The following PTPRD variants were observed in gnomAD, a reference collection of about 807,000 sequenced individuals.
PTPRD encodes protein tyrosine phosphatase receptor type D.
PTPRD carries 34 observed loss-of-function variants against 214.5 expected under a neutral mutation model. That is an observed-to-expected ratio of 0.16 (90% CI 0.12 to 0.21). The LOEUF is 0.21. Ranked by LOEUF, PTPRD falls within the 10% of genes least tolerant of loss-of-function variation. The pLI, the probability that PTPRD is intolerant of heterozygous loss-of-function variation, is 1.00. For synonymous variants in PTPRD, 1,128 were observed against 845.7 expected (o/e 1.33, Z -5.79); for missense variants, 2,545 against 2,398.7 (o/e 1.06, Z -1.27).
chr9:9,008,326 C>T (rs1473879929), intron 11 of PTPRD, among the ~76,000 whole-genome samples: 1 of 151,654 alleles, frequency 6.6e-6, no homozygotes, highest in Admixed American at 6.6e-5. Context: ...CTCCCCAGTT[C>T]ATGTCACTCT....
At chr9:9,361,307 A>C (rs1290419012) in intron 9 of PTPRD, among the ~76,000 whole-genome samples, 1 of 151,096 alleles carries the variant, frequency 6.6e-6, no homozygotes, top group Non-Finnish European at 1.5e-5. Context: ...CAAAAATATC[A>C]ATTCAGTCAT....
intron 2 of PTPRD, among the ~76,000 whole-genome samples, chr9:10,555,784 A>G (rs931295141): frequency 6.6e-6 from 1 of 152,202 alleles, no homozygotes; most frequent in Non-Finnish European, 1.5e-5. Context: ...CAGAATAAAC[A>G]CTGCCAAACA....
At chr9:8,574,478 T>A (rs2154241110) in intron 14 of PTPRD, among the ~76,000 whole-genome samples, 1 of 152,082 alleles carries the variant, frequency 6.6e-6, no homozygotes, top group East Asian at 1.9e-4. Flanking sequence ...CCAAAAGGCA[T>A]TAAGCAATAA....
chr9:8,966,823 T>G (rs1687833701), intron 11 of PTPRD, among the ~76,000 whole-genome samples: 1 of 151,926 alleles, frequency 6.6e-6, no homozygotes, highest in South Asian at 2.1e-4. Flanking sequence ...ACAGACAACC[T>G]ACAGAAGGGG....
intron 10 of PTPRD, among the ~76,000 whole-genome samples, chr9:9,141,659 C>T (rs1012109389): frequency 6.6e-6 from 1 of 151,182 alleles, no homozygotes; most frequent in African/African-American, 2.4e-5. Flanking sequence ...TTCACACCAA[C>T]ACCCATTAAA....
rs2095852072 is a variant in PTPRD, at chr9:10,301,196, T to G, written c.-545+39767A>C. ...GGGGGGTGACTGTTAGGAGGAAAAC[T>G]AACAAACAGAAAGGAAGAGCATCAA... On this transcript the variant is annotated intron_variant, in intron 3 of 45. Coordinates refer to ENST00000381196, the MANE Select transcript of PTPRD (RefSeq NM_002839.4). 2.0e-5 allele frequency among the ~76,000 whole-genome samples: 3 copies of G among 152,018 alleles called. No homozygotes were observed. The South Asian group carries it at 6.3e-4, about 32-fold the overall frequency.
At position 8,471,579 on chromosome 9, in the gene PTPRD, G is replaced by A. The variant is rs924008131; in HGVS notation, c.3414-494C>T. 4.6e-5 allele frequency among the ~76,000 whole-genome samples: 7 copies of A among 152,132 alleles called. No individual in the cohort carries two copies. The Middle Eastern group carries it at 0.01, about 222-fold the overall frequency. Reference sequence around the variant, plus strand: ...TTTTATTTGAATTAAAAATTTTTAAGTAACAAAAATTAGGTATAATTGCAC... The same window carrying A: ...TTTTATTTGAATTAAAAATTTTTAAATAACAAAAATTAGGTATAATTGCAC... On this transcript the variant is annotated intron_variant, in intron 30 of 45. Coordinates refer to ENST00000381196, the MANE Select transcript of PTPRD (RefSeq NM_002839.4).
chr9:9,464,282 C>T (rs1206998068), intron 8 of PTPRD, among the ~76,000 whole-genome samples: 3 of 152,122 alleles, frequency 2.0e-5, no homozygotes, highest in Non-Finnish European at 4.4e-5. Context: ...TCAACCTTTT[C>T]TCCCTCTCAC....
intron 9 of PTPRD, among the ~76,000 whole-genome samples, chr9:9,325,817 C>G (rs1185658415): frequency 1.3e-5 from 2 of 152,136 alleles, no homozygotes; most frequent in Admixed American, 6.6e-5. Context: ...CAGTATAATA[C>G]TGGCTGTGGG....
chr9:8,849,183 T>A (rs1017032900), intron 11 of PTPRD, among the ~76,000 whole-genome samples: 4 of 146,126 alleles, frequency 2.7e-5, no homozygotes, highest in African/African-American at 1.0e-4. Flanking sequence ...TTTTTTTTTT[T>A]TTTTTTTTTT....
chr9:8,616,042 G>A (rs913276054), intron 14 of PTPRD, among the ~76,000 whole-genome samples: 3 of 152,066 alleles, frequency 2.0e-5, no homozygotes, highest in Non-Finnish European at 1.5e-5. Flanking sequence ...AGAAATTTAT[G>A]AATGAAAGTT....
In PTPRD at chr9:10,389,397, C is replaced by T. The variant is rs535460413; in HGVS notation, c.-599-48380G>A. ...TAATATAACATTACAAACTATTTTT[C>T]AAGATATCCCATGTTACTGATAACC... On this transcript the variant is annotated intron_variant, in intron 2 of 45. Transcript: ENST00000381196. Among the ~76,000 whole-genome samples the T allele has an allele frequency of 7.9e-5, 12 of 151,902 alleles. No homozygotes were observed. The East Asian group carries it at 2.1e-3, about 27-fold the overall frequency.
chr9:10,214,411 G>C (rs1211664725), intron 3 of PTPRD, among the ~76,000 whole-genome samples: 2 of 150,108 alleles, frequency 1.3e-5, no homozygotes, highest in East Asian at 2.0e-4. Context: ...AGAGTAGCTG[G>C]GATTACCAAG....
At chr9:9,103,971 AGACC>A (rs1221937759) in intron 10 of PTPRD, among the ~76,000 whole-genome samples, 1 of 152,172 alleles carries the variant, frequency 6.6e-6, no homozygotes, top group Non-Finnish European at 1.5e-5. Flanking sequence ...CCATAGAGCA[AGACC>A]CTGTCTCAAA....
At chr9:9,641,133 G>A (rs1593894268) in intron 7 of PTPRD, among the ~76,000 whole-genome samples, 1 of 100,590 alleles carries the variant, frequency 9.9e-6, no homozygotes, top group East Asian at 2.5e-4. Flanking sequence ...GAAGGGAATT[G>A]CAATGGGCTT....
intron 3 of PTPRD, among the ~76,000 whole-genome samples, chr9:10,223,690 A>T (rs10958958): frequency 1.8e-4 from 27 of 146,314 alleles, no homozygotes; most frequent in Non-Finnish European, 2.2e-4. Context: ...AATAATAATA[A>T]TAATAATAAT....
At chr9:9,853,321 A>T (rs905143898) in intron 5 of PTPRD, among the ~76,000 whole-genome samples, 2 of 152,224 alleles carry the variant, frequency 1.3e-5, no homozygotes, top group Non-Finnish European at 2.9e-5. Flanking sequence ...CAAGTTTCAT[A>T]TAATTCTTAT....
intron 8 of PTPRD, among the ~76,000 whole-genome samples, chr9:9,407,925 A>AT (rs950313638): frequency 6.6e-6 from 1 of 151,684 alleles, no homozygotes; most frequent in Non-Finnish European, 1.5e-5. Flanking sequence ...TAGTGTAGTA[A>AT]TTTTTTTAAA....
At chr9:9,834,399 G>A (rs1293361959) in intron 5 of PTPRD, among the ~76,000 whole-genome samples, 1 of 152,002 alleles carries the variant, frequency 6.6e-6, no homozygotes, top group African/African-American at 2.4e-5. Flanking sequence ...ATTAACTGTT[G>A]AGAACCCTGA....
Sources: gnomAD v4.1 joint callset for allele counts (sites outside exome capture counted in the v4.1 genomes callset) on GRCh38, gnomAD v4.1.1 for gene constraint, MANE v1.5 for transcripts, NCBI Gene and HGNC (gene_info 2026-07-23, HGNC 2026-07-21) for gene names.